The following IL2RB variants were observed in gnomAD, a reference collection of about 807,000 sequenced individuals.
IL2RB encodes interleukin 2 receptor subunit beta.
In IL2RB, 17 loss-of-function variants were observed where a neutral mutation model predicts 44.2. The ratio of observed to expected loss-of-function variants is 0.38; its 90% CI spans 0.26 to 0.58. The LOEUF is 0.58. IL2RB is among the 20% of genes least tolerant of loss of function. The pLI, the probability that IL2RB is intolerant of heterozygous loss-of-function variation, is 0.63. For synonymous variants in IL2RB, 286 were observed against 297.9 expected (o/e 0.96, Z 0.41); for missense variants, 624 against 685.5 (o/e 0.91, Z 1.00).
chr22:37,155,660 G>C (rs981580217), intron 1 of IL2RB, among the ~76,000 whole-genome samples: 1 of 152,242 alleles, frequency 6.6e-6, no homozygotes, highest in Admixed American at 6.5e-5. Flanking sequence ...GAGGCAACCT[G>C]AGATGTAATC....
intron 6 of IL2RB, among the ~76,000 whole-genome samples, chr22:37,136,930 A>G (rs1921736532): frequency 6.6e-6 from 1 of 152,196 alleles, no homozygotes. Context: ...CAGGTGTCCA[A>G]GGGGCCTTCC....
chr22:37,155,146 A>G (rs1308166552), intron 1 of IL2RB, among the ~76,000 whole-genome samples: 1 of 152,128 alleles, frequency 6.6e-6, no homozygotes, highest in Non-Finnish European at 1.5e-5. Flanking sequence ...ACGCCAGCAG[A>G]AGCCCAGAGG....
In IL2RB at chr22:37,135,364, A is replaced by C; in HGVS notation, c.782T>G (p.Val261Gly). The change falls in exon 8 of 10, where the codon GTG (valine) becomes GGG (glycine). Residue 261 changes from valine (V) to glycine (G), a missense_variant. By Grantham distance (109) the Val-to-Gly change is moderately radical. Coordinates refer to ENST00000216223, the MANE Select transcript of IL2RB (RefSeq NM_000878.5). ...LSGAFGFIIL[V>G]YLLINCRNTG... is the part of the protein sequence containing the mutation. Reference sequence around the variant, plus strand: ...GTTCCTGCAGTTGATCAGCAAGTACACTAAGATGATGAAGCCAAAAGCCCC... The same window carrying C: ...GTTCCTGCAGTTGATCAGCAAGTACCCTAAGATGATGAAGCCAAAAGCCCC... 1 of 1,613,864 alleles carries C rather than the reference A, an allele frequency of 6.2e-7. No homozygotes were observed. Among genetic ancestry groups the C allele is most frequent in the Non-Finnish European group, 8.5e-7 (1 of 1,179,820 alleles).
At chr22:37,160,078 T>G (rs1922807289) in intron 1 of IL2RB, among the ~76,000 whole-genome samples, 1 of 152,250 alleles carries the variant, frequency 6.6e-6, no homozygotes, top group Non-Finnish European at 1.5e-5. Flanking sequence ...TTAGCTAAAA[T>G]ATATCCTACT....
chr22:37,139,057 G>A, intron 5 of IL2RB, 60 bp downstream of exon 5: 2 of 1,068,418 alleles, frequency 1.9e-6, no homozygotes, highest in Non-Finnish European at 2.9e-6. Flanking sequence ...GATCCCAGAG[G>A]AGGTGGAAGG....
chr22:37,159,654 G>A (rs112386082), intron 1 of IL2RB, among the ~76,000 whole-genome samples: 1 of 152,222 alleles, frequency 6.6e-6, no homozygotes, highest in Admixed American at 6.5e-5. Flanking sequence ...AGGGGACAGA[G>A]GCAGGTGCAT....
At chr22:37,168,910 G>A (rs1323686494) in intron 1 of IL2RB, among the ~76,000 whole-genome samples, 1 of 152,048 alleles carries the variant, frequency 6.6e-6, no homozygotes, top group African/African-American at 2.4e-5. Context: ...TGCTTACAGA[G>A]GGGTTCTGTT....
At chr22:37,146,618 C>T (rs1036171895) in intron 1 of IL2RB, among the ~76,000 whole-genome samples, 3 of 152,194 alleles carry the variant, frequency 2.0e-5, no homozygotes, top group East Asian at 1.9e-4. Context: ...CCCTGATTTC[C>T]GTGATGGAGG....
At chr22:37,147,833 G>C (rs1922297138) in intron 1 of IL2RB, among the ~76,000 whole-genome samples, 1 of 152,224 alleles carries the variant, frequency 6.6e-6, no homozygotes, top group Admixed American at 6.5e-5. Flanking sequence ...CCTCTTTCTT[G>C]GGATCCCCCA....
rs147866253 is a variant in IL2RB at position 37,135,401 on chromosome 22, C to T, written c.745G>A (p.Val249Met). The change falls in exon 8 of 10, where the codon GTG becomes ATG. Residue 249 changes from valine to methionine, a missense_variant. By Grantham distance (21) the Val-to-Met change is conservative (BLOSUM62 1). Coordinates refer to ENST00000216223, the MANE Select transcript of IL2RB (RefSeq NM_000878.5). ...AAGCCAAAAGCCCCGCTGAGGCCCA[C>T]GAGGAGGTGGCCGAGCCACGGAATG... is the stretch of plus-strand genomic sequence containing the variant. ...DTIPWLGHLL[V>M]GLSGAFGFII... 6.2e-6 allele frequency: 10 copies of T among 1,613,828 alleles called. No homozygotes were observed. Among genetic ancestry groups the T allele is most frequent in the East Asian group, 2.2e-5 (1 of 44,868 alleles).
At chr22:37,166,797 C>T (rs1327699912) in intron 1 of IL2RB, 3 of 152,186 alleles carry the variant, frequency 2.0e-5, no homozygotes, top group Non-Finnish European at 4.4e-5. Context: ...TGGACCGTGT[C>T]TGCTGCCTCC....
chr22:37,130,983 A>G (rs1048475050), intron 9 of IL2RB, among the ~76,000 whole-genome samples: 1 of 152,190 alleles, frequency 6.6e-6, no homozygotes, highest in Non-Finnish European at 1.5e-5. Context: ...CCTGGCCAAC[A>G]TGGCAAAACC....
rs2146244862 is a variant in IL2RB, at chr22:37,143,566, G to C, written c.158C>G (p.Ala53Gly). Residue 53 changes from alanine to glycine, a missense_variant, in exon 3 of 10, where the codon GCT becomes GGT. Around this residue, in one of 3 missense-constraint regions of IL2RB, gnomAD observed 78 missense variants for 70.0 expected, o/e 1.11. Coordinates refer to ENST00000216223, the MANE Select transcript of IL2RB (RefSeq NM_000878.5). ...GACTTGGCAGGAAGTGTCCTGCAGA[G>C]CCCCATCTTGGCTCCAGACACAGGA... ...NISCVWSQDG[A>G]LQDTSCQVHA... 6.2e-7 allele frequency: 1 copy of C among 1,614,072 alleles called. No individual in the cohort carries two copies. Among genetic ancestry groups the C allele is most frequent in the Non-Finnish European group, 8.5e-7 (1 of 1,179,976 alleles).
Position 37,128,691 on chromosome 22 carries a change from G to A in IL2RB, c.1061C>T (p.Ser354Leu), listed in dbSNP as rs757382391. 11 of 1,614,068 alleles carry A rather than the reference G, an allele frequency of 6.8e-6. No homozygotes were observed. The highest frequency in any genetic ancestry group is 5.0e-5 in the Admixed American group (3 of 60,012). Residue 354 changes from serine (S) to leucine (L), a missense_variant, in exon 10 of 10, where the codon TCG (serine) becomes TTG (leucine). Physicochemically the swap from Ser to Leu is moderately radical, Grantham distance 145. Coordinates refer to ENST00000216223, the MANE Select transcript of IL2RB (RefSeq NM_000878.5). The surrounding 1 kb of genome is among the most constrained non-coding windows in gnomAD (Gnocchi z 4.5). ...CTGGTTGGTGAAGCAGCTGGTCAGCGAGTGGTTGCTGCTTAAGGATGCGGG... is the reference window on the plus strand; with the variant it reads ...CTGGTTGGTGAAGCAGCTGGTCAGCAAGTGGTTGCTGCTTAAGGATGCGGG... ...PEPASLSSNH[S>L]LTSCFTNQGY... is the part of the protein sequence containing the mutation.
rs771888990 is a variant in IL2RB, at chr22:37,128,061, C to G, written c.*35G>C. 2 of 1,479,652 alleles carry G rather than the reference C, an allele frequency of 1.4e-6. No individual in the cohort carries two copies. Among genetic ancestry groups the G allele is most frequent in the Non-Finnish European group, 1.8e-6 (2 of 1,118,304 alleles). 91.7% of individuals were successfully genotyped at this position (1,479,652 alleles called of 1,614,324 possible). On this transcript the variant is annotated 3_prime_UTR_variant, in exon 10 of 10. Transcript: ENST00000216223. The surrounding 1 kb of genome is among the most constrained non-coding windows in gnomAD (Gnocchi z 4.5). ...GGTCCTTCTGAGGCTCGGCGCAGAG[C>G]AGGCAGCTGCCTGCCTCCCACCCTG...
intron 2 of IL2RB, 53 bp downstream of exon 2, chr22:37,144,032 T>C (rs1215690159): frequency 7.7e-6 from 12 of 1,550,238 alleles, no homozygotes; most frequent in Non-Finnish European, 1.0e-5. Context: ...TAGCAGGGCC[T>C]TAGCCATCTC....
chr22:37,133,293 T>C (rs2146230410), intron 8 of IL2RB, among the ~76,000 whole-genome samples: 1 of 152,236 alleles, frequency 6.6e-6, no homozygotes, highest in Non-Finnish European at 1.5e-5. Context: ...TGCAGGGAGC[T>C]GTGGGCGGAG....
intron 1 of IL2RB, among the ~76,000 whole-genome samples, chr22:37,148,811 C>A (rs949872913): frequency 6.6e-6 from 1 of 152,100 alleles, no homozygotes; most frequent in Admixed American, 6.5e-5. Context: ...TGGTCAGGTG[C>A]AGTTCGGGGC....
intron 1 of IL2RB, among the ~76,000 whole-genome samples, chr22:37,171,710 C>A (rs995672429): frequency 6.6e-6 from 1 of 152,236 alleles, no homozygotes; most frequent in Non-Finnish European, 1.5e-5. Context: ...CCTTTGCCTA[C>A]GCTAGACTGC....
Sources: gnomAD v4.1 joint callset for allele counts (sites outside exome capture counted in the v4.1 genomes callset) on GRCh38, gnomAD v4.1.1 for gene constraint, gnomAD v4.1.1 regional missense constraint, Gnocchi (gnomAD v3.1) non-coding constraint, MANE v1.5 for transcripts, NCBI Gene and HGNC (gene_info 2026-07-23, HGNC 2026-07-21) for gene names.